GRIA3: variants seen among roughly 807,000 people sequenced by gnomAD.
GRIA3 encodes the protein glutamate ionotropic receptor AMPA type subunit 3, also known as glutamate receptor 3.
GRIA3 carries 3 observed loss-of-function variants against 63.0 expected under a neutral mutation model. The observed-to-expected ratio is 0.05, with a 90% CI of 0.02 to 0.12. The LOEUF is 0.12. GRIA3 is among the 10% of genes least tolerant of loss of function. The pLI, the probability that GRIA3 is intolerant of heterozygous loss-of-function variation, is 1.00. For missense variants in GRIA3, 347 were observed against 700.9 expected (o/e 0.50, Z 5.70); for synonymous variants, 274 against 257.9 (o/e 1.06, Z -0.60).
intron 2 of GRIA3, among the ~76,000 whole-genome samples, chrX:123,246,893 A>AC (rs199843374): frequency 2.7e-5 from 3 of 109,925 alleles, no homozygotes; most frequent in African/African-American, 1.0e-4. Flanking sequence ...AAAAAAAAAA[A>AC]ACCACGAGTT....
intron 5 of GRIA3, among the ~76,000 whole-genome samples, chrX:123,386,104 TTTTG>T (rs1382163139): frequency 3.6e-5 from 4 of 111,480 alleles, no homozygotes; most frequent in African/African-American, 1.3e-4. Flanking sequence ...TTGTTGTTGT[TTTTG>T]TTTGTTTTTG....
intron 12 of GRIA3, among the ~76,000 whole-genome samples, chrX:123,450,470 A>G (rs1469686931): frequency 8.9e-6 from 1 of 112,791 alleles, no homozygotes; most frequent in Non-Finnish European, 1.9e-5. Context: ...CTGGATTTGA[A>G]TACTAATTCT....
intron 3 of GRIA3, among the ~76,000 whole-genome samples, chrX:123,307,547 C>T (rs1183330868): frequency 8.9e-6 from 1 of 112,072 alleles, no homozygotes; most frequent in South Asian, 3.8e-4. Flanking sequence ...AGGGCAGAGA[C>T]ACAACTAAGG....
At chrX:123,186,449 A>G (rs778598643) in intron 2 of GRIA3, among the ~76,000 whole-genome samples, 1 of 112,222 alleles carries the variant, frequency 8.9e-6, no homozygotes, top group Non-Finnish European at 1.9e-5. Context: ...GCCTGGCTCT[A>G]GGAACGAGCT....
intron 2 of GRIA3, among the ~76,000 whole-genome samples, chrX:123,250,299 T>C (rs756082118): frequency 2.1e-4 from 23 of 111,540 alleles, no homozygotes; most frequent in African/African-American, 7.2e-4. Flanking sequence ...ATATTAAAAG[T>C]CCGTGTATGA....
intron 2 of GRIA3, among the ~76,000 whole-genome samples, chrX:123,203,130 C>T (rs933805179): frequency 8.9e-6 from 1 of 111,812 alleles, no homozygotes; most frequent in Non-Finnish European, 1.9e-5. Context: ...CTGACAGCCT[C>T]AGTGAATGAG....
intron 12 of GRIA3, among the ~76,000 whole-genome samples, chrX:123,454,400 A>G (rs1405558813): frequency 4.5e-5 from 5 of 111,797 alleles, no homozygotes; most frequent in Non-Finnish European, 1.9e-5. Context: ...CACATGTAAA[A>G]CCCTTGAAAT....
chrX:123,355,431 A>T (rs1205872948), intron 5 of GRIA3, among the ~76,000 whole-genome samples: 2 of 112,238 alleles, frequency 1.8e-5, no homozygotes, highest in Non-Finnish European at 3.8e-5. Context: ...CAAAGTGTAT[A>T]GCCACCTTTC....
rs367907759 is a variant in GRIA3, at chrX:123,403,437, G to C, written c.1211G>C (p.Arg404Thr). 1.5e-5 allele frequency: 18 copies of C among 1,189,837 alleles called. No individual in the cohort carries two copies. The highest frequency in any genetic ancestry group is 1.9e-5 in the Non-Finnish European group (17 of 876,805). Reference sequence around the variant, plus strand: ...GCTGGCTACTGGAATGAGTATGAAAGGTTTGTGCCTTTCTCAGATCAGCAA... The same window carrying C: ...GCTGGCTACTGGAATGAGTATGAAACGTTTGTGCCTTTCTCAGATCAGCAA... ...RKAGYWNEYE[R>T]FVPFSDQQIS... is the part of the protein sequence containing the mutation. The change falls in exon 9 of 16, where the codon AGG (arginine) becomes ACG (threonine). Residue 404 changes from arginine (R) to threonine (T), a missense_variant. By Grantham distance (71) the Arg-to-Thr change is moderately conservative. Coordinates refer to ENST00000620443, the MANE Select transcript of GRIA3 (RefSeq NM_007325.5).
At chrX:123,454,280 TA>T (rs1472079143) in intron 12 of GRIA3, among the ~76,000 whole-genome samples, 2 of 111,073 alleles carry the variant, frequency 1.8e-5, no homozygotes, top group East Asian at 5.7e-4. Context: ...TGTGTGGCAT[TA>T]AGCAAACTAC....
At chrX:123,325,370 T>C (rs891829138) in intron 3 of GRIA3, among the ~76,000 whole-genome samples, 3 of 111,909 alleles carry the variant, frequency 2.7e-5, no homozygotes, top group African/African-American at 9.7e-5. Context: ...AGTTATCTAA[T>C]GTAAATTAGA....
At chrX:123,301,930 C>G (rs978922353) in intron 3 of GRIA3, among the ~76,000 whole-genome samples, 6 of 111,904 alleles carry the variant, frequency 5.4e-5, no homozygotes, top group African/African-American at 1.9e-4. Context: ...CAAAATTCAT[C>G]AAAACTTTAA....
chrX:123,194,825 A>G (rs1408978800), intron 2 of GRIA3, among the ~76,000 whole-genome samples: 1 of 112,488 alleles, frequency 8.9e-6, no homozygotes, highest in Non-Finnish European at 1.9e-5. Context: ...ACCAGGTATT[A>G]TGCCAGGCAC....
chrX:123,366,796 G>A (rs1391801396), intron 5 of GRIA3, among the ~76,000 whole-genome samples: 2 of 111,754 alleles, frequency 1.8e-5, no homozygotes, highest in African/African-American at 6.5e-5. Context: ...TCAGCAGGTG[G>A]TTAGAGAAGG....
chrX:123,429,378 C>A (rs2045605844), intron 12 of GRIA3, among the ~76,000 whole-genome samples: 1 of 111,748 alleles, frequency 8.9e-6, no homozygotes, highest in African/African-American at 3.3e-5. Context: ...TTCAAGAATT[C>A]TCATTGATTC....
chrX:123,477,078 G>A (rs1033659981), intron 13 of GRIA3, among the ~76,000 whole-genome samples: 2 of 111,819 alleles, frequency 1.8e-5, no homozygotes, highest in Non-Finnish European at 3.8e-5. Flanking sequence ...AGTCACCGAT[G>A]TACTGAGCCT....
intron 2 of GRIA3, among the ~76,000 whole-genome samples, chrX:123,187,903 T>C (rs1927322701): frequency 9.0e-6 from 1 of 111,385 alleles, no homozygotes; most frequent in Admixed American, 9.5e-5. Flanking sequence ...AGTTGCCTTA[T>C]TGCCTTACCT....
At chrX:123,403,377 A>T in intron 8 of GRIA3, 35 bp from the exon 9 acceptor site, 2 of 914,236 alleles carry the variant, frequency 2.2e-6, no homozygotes, top group African/African-American at 3.8e-5. Context: ...CTGAGGGAAA[A>T]ATAGGCATCC....
At position 123,380,714 on chromosome X, in the gene GRIA3, C is replaced by CT. The variant is rs1242384547; in HGVS notation, c.751-14252dup. 3.6e-5 allele frequency among the ~76,000 whole-genome samples: 4 copies of CT among 111,841 alleles called. No homozygotes were observed. In the East Asian group the frequency reaches 1.1e-3, roughly 31 times the overall value. On this transcript the variant is annotated intron_variant, in intron 5 of 15. Transcript: ENST00000620443. ...CTTTTGGTGTTTTAGACATGAAGTC[C>CT]TTGCCCATGCCTATGTCCTGAATTG...
Sources: allele counts gnomAD v4.1 joint callset (sites outside exome capture counted in the v4.1 genomes callset), GRCh38; gene constraint gnomAD v4.1.1; transcripts MANE v1.5; gene names NCBI Gene and HGNC (gene_info 2026-07-23, HGNC 2026-07-21).